The following GALNT18 variants were observed in gnomAD, a reference collection of about 807,000 sequenced individuals.
The protein encoded by GALNT18 is polypeptide N-acetylgalactosaminyltransferase 18.
In GALNT18, 44 loss-of-function variants were observed where a neutral mutation model predicts 69.5. The observed-to-expected ratio is 0.63, with a 90% CI of 0.50 to 0.81. The LOEUF is 0.81. Among genes scored for constraint, GALNT18 ranks in the 40% least tolerant of loss-of-function variants. The pLI is 0.00. For synonymous variants in GALNT18, 364 were observed against 318.2 expected (o/e 1.14, Z -1.53); for missense variants, 715 against 810.0 (o/e 0.88, Z 1.42).
intron 2 of GALNT18, among the ~76,000 whole-genome samples, chr11:11,445,131 G>A (rs1192518979): frequency 6.6e-6 from 1 of 152,204 alleles, no homozygotes; most frequent in African/African-American, 2.4e-5. Flanking sequence ...AAGCGGGCCT[G>A]CCACTCCCAT....
rs1304556877 is a variant in GALNT18, at chr11:11,444,600, G to C, written c.428+4144C>G. Among the ~76,000 whole-genome samples, 1 of 152,124 alleles carries C rather than the reference G, an allele frequency of 6.6e-6. No individual in the cohort carries two copies. The highest frequency in any genetic ancestry group is 1.5e-5 in the Non-Finnish European group (1 of 68,042). The stretch of plus-strand genomic sequence containing the variant: ...GTCTATAAGGCACTGGCACAGCATG[G>C]TCCTATCTCAGCCACATGACAAGCT... On this transcript the variant is annotated intron_variant, in intron 2 of 10. Transcript: ENST00000227756. This position sits in a 1 kb window ranked among gnomAD's most constrained non-coding sequence, Gnocchi z 4.4.
intron 4 of GALNT18, 68 bp downstream of exon 4, chr11:11,379,012 CT>C: frequency 7.2e-7 from 1 of 1,384,290 alleles, no homozygotes. Flanking sequence ...TCCTAGCATG[CT>C]TTGCACTATT....
intron 6 of GALNT18, among the ~76,000 whole-genome samples, chr11:11,346,888 T>A (rs1850313373): frequency 6.6e-6 from 1 of 152,222 alleles, no homozygotes; most frequent in African/African-American, 2.4e-5. Context: ...ATCCTGGCTC[T>A]GTCATATATT....
chr11:11,515,180 T>C lies in GALNT18; in HGVS notation c.236-66244A>G, dbSNP rs952667235. Reference sequence around the variant, plus strand: ...AATAGGGGCCTCTCCTAAGATACCATGAGAATAATATGAGGTCACCCTGCA... The same window carrying C: ...AATAGGGGCCTCTCCTAAGATACCACGAGAATAATATGAGGTCACCCTGCA... On this transcript the variant is annotated intron_variant, in intron 1 of 10. Coordinates refer to ENST00000227756, the MANE Select transcript of GALNT18 (RefSeq NM_198516.3). Among the ~76,000 whole-genome samples the C allele has an allele frequency of 4.6e-5, 7 of 152,054 alleles. No homozygotes were observed. The South Asian group carries it at 6.2e-4, about 14-fold the overall frequency.
chr11:11,353,029 C>G, intron 6 of GALNT18: 2 of 1,614,186 alleles, frequency 1.2e-6, no homozygotes, highest in Non-Finnish European at 1.7e-6. Context: ...CCCCATTCCA[C>G]CACATGTGAC....
intron 3 of GALNT18, among the ~76,000 whole-genome samples, chr11:11,380,238 T>C (rs755155185): frequency 9.2e-5 from 14 of 152,208 alleles, no homozygotes; most frequent in African/African-American, 2.7e-4. Context: ...ATGAGTCCAA[T>C]GGGACCTATT....
intron 1 of GALNT18, among the ~76,000 whole-genome samples, chr11:11,526,370 C>G (rs1857524792): frequency 6.6e-6 from 1 of 152,146 alleles, no homozygotes; most frequent in African/African-American, 2.4e-5. Context: ...CAAGTAGACT[C>G]CTGGAGTCTT....
At chr11:11,344,791 C>G (rs1850273738) in intron 6 of GALNT18, among the ~76,000 whole-genome samples, 3 of 152,118 alleles carry the variant, frequency 2.0e-5, no homozygotes, top group Admixed American at 6.5e-5. Flanking sequence ...CAAAGACACC[C>G]TGAACATGGG....
Position 11,586,625 on chromosome 11 carries a change from G to A in GALNT18, c.235+34734C>T, listed in dbSNP as rs77492701. Among the ~76,000 whole-genome samples, 519 of 152,158 alleles carry A rather than the reference G, an allele frequency of 3.4e-3. 1 individual carries two copies. Among genetic ancestry groups the A allele is most frequent in the African/African-American group, 0.012 (498 of 41,502 alleles). On this transcript the variant is annotated intron_variant, in intron 1 of 10. Coordinates refer to ENST00000227756, the MANE Select transcript of GALNT18 (RefSeq NM_198516.3). The surrounding 1 kb of genome is among the most constrained non-coding windows in gnomAD (Gnocchi z 4.1). ...GTTGATCTTTTAAAAAAAATAAAAC[G>A]TTTCAGCATTTATATTTAGCTGGTA...
intron 3 of GALNT18, among the ~76,000 whole-genome samples, 181 bp from the exon 4 acceptor site, chr11:11,379,445 T>C (rs2133692201): frequency 6.6e-6 from 1 of 152,180 alleles, no homozygotes. Context: ...AAGGGAAAAA[T>C]AGAGGGGAAT....
intron 3 of GALNT18, among the ~76,000 whole-genome samples, chr11:11,391,249 C>T (rs1421998826): frequency 2.6e-5 from 4 of 152,218 alleles, no homozygotes; most frequent in Non-Finnish European, 5.9e-5. Context: ...TTAACAACCC[C>T]TTAACAGTGA....
rs1035496001 is a variant in GALNT18 at position 11,311,198 on chromosome 11, G to A, written c.1512+15888C>T. 2.0e-5 allele frequency among the ~76,000 whole-genome samples: 3 copies of A among 152,112 alleles called. No homozygotes were observed. The East Asian group carries it at 5.8e-4, about 29-fold the overall frequency. ...AGTTGGTGATACCCTACTAAGAAAC[G>A]GGACCAAAGAGCAGCAACTCAAGTA... is the stretch of plus-strand genomic sequence containing the variant. On this transcript the variant is annotated intron_variant, in intron 9 of 10. Transcript: ENST00000227756.
chr11:11,371,113 T>C (rs538220341), intron 6 of GALNT18, among the ~76,000 whole-genome samples: 10 of 152,302 alleles, frequency 6.6e-5, no homozygotes, highest in Admixed American at 1.3e-4. Context: ...AATACAGATG[T>C]CTGGAAGTGT....
intron 10 of GALNT18, among the ~76,000 whole-genome samples, chr11:11,284,908 G>GTTTTTTTTTTT (rs58795517): frequency 0.011 from 946 of 82,688 alleles, 83 homozygotes; most frequent in Non-Finnish European, 0.016. Context: ...AGACTTTCGT[G>GTTTTTTTTTTT]TTTTTTTTTT....
intron 9 of GALNT18, among the ~76,000 whole-genome samples, chr11:11,323,019 C>T (rs541550485): frequency 8.4e-4 from 128 of 152,308 alleles, no homozygotes; most frequent in African/African-American, 2.9e-3. Context: ...CCTGACTTGA[C>T]TTTAATTACT....
At chr11:11,342,570 T>C (rs989277742) in intron 6 of GALNT18, among the ~76,000 whole-genome samples, 1 of 152,160 alleles carries the variant, frequency 6.6e-6, no homozygotes, top group Admixed American at 6.5e-5. Flanking sequence ...GCTGTTGGAG[T>C]TGGAAGGTGG....
intron 10 of GALNT18, among the ~76,000 whole-genome samples, chr11:11,280,923 C>G (rs1158026051): frequency 6.6e-6 from 1 of 152,196 alleles, no homozygotes; most frequent in African/African-American, 2.4e-5. Context: ...GCCAGTTGCT[C>G]CAAACAAGGC....
intron 1 of GALNT18, among the ~76,000 whole-genome samples, chr11:11,493,567 G>T (rs948415332): frequency 1.3e-5 from 2 of 152,176 alleles, no homozygotes; most frequent in African/African-American, 4.8e-5. Flanking sequence ...TGAGTGTGTA[G>T]TAAGTCTCCA....
chr11:11,576,281 G>C (rs2134005288), intron 1 of GALNT18, among the ~76,000 whole-genome samples: 1 of 152,354 alleles, frequency 6.6e-6, no homozygotes, highest in East Asian at 1.9e-4. Flanking sequence ...ACCAGGCTGT[G>C]GCTCCAGGCA....
Sources: allele counts gnomAD v4.1 joint callset (sites outside exome capture counted in the v4.1 genomes callset), GRCh38; gene constraint gnomAD v4.1.1; non-coding constraint Gnocchi (gnomAD v3.1); transcripts MANE v1.5; gene names NCBI Gene and HGNC (gene_info 2026-07-23, HGNC 2026-07-21).